RALGDS: variants seen among roughly 807,000 people sequenced by gnomAD.
RALGDS encodes ral guanine nucleotide dissociation stimulator, also known as ral guanine nucleotide exchange factor.
Under a neutral mutation model 99.8 loss-of-function variants are expected in RALGDS, and 44 were observed. The observed-to-expected ratio is 0.44, with a 90% CI of 0.35 to 0.57. The LOEUF (loss-of-function observed/expected upper bound fraction) is 0.57. Ranked by LOEUF, RALGDS falls within the 20% of genes least tolerant of loss-of-function variation. The probability of loss-of-function intolerance (pLI) is 0.01; values close to 1 mark genes in which losing one functional copy is unlikely to be tolerated. For missense variants in RALGDS, 1,022 were observed against 1,203.1 expected (o/e 0.85, Z 2.23); for synonymous variants, 529 against 505.0 (o/e 1.05, Z -0.64).
rs1193377204 is a variant in RALGDS at position 133,129,170 on chromosome 9, AG to A, written c.132+1781del. 2.5e-6 allele frequency: 4 copies of A among 1,590,076 alleles called. 1 individual carries two copies. In the African/African-American group the frequency reaches 5.4e-5, roughly 21 times the overall value. On this transcript the variant is annotated intron_variant, in intron 1 of 17. Transcript: ENST00000372062. ...GGTGGCCGGTGCTGGCAGAGGTGCC[AG>A]CCAAGGTGTCGGGCTTTGGAGAGCG... is the stretch of plus-strand genomic sequence containing the variant.
chr9:133,128,268 C>T (rs766433271), intron 1 of RALGDS, among the ~76,000 whole-genome samples: 5 of 152,044 alleles, frequency 3.3e-5, no homozygotes, highest in East Asian at 1.9e-4. Context: ...AGGACCACAG[C>T]GGGAGAGGGA....
intron 2 of RALGDS, among the ~76,000 whole-genome samples, chr9:133,111,511 C>T (rs745566725): frequency 1.3e-5 from 2 of 152,186 alleles, no homozygotes; most frequent in Non-Finnish European, 2.9e-5. Context: ...AAACTCCTGA[C>T]CTTAGGCAAT....
At chr9:133,128,489 G>C (rs1017318234) in intron 1 of RALGDS, among the ~76,000 whole-genome samples, 24 of 152,130 alleles carry the variant, frequency 1.6e-4, no homozygotes, top group African/African-American at 2.4e-5. Context: ...AGGGGCCCCG[G>C]CATCCATGAT....
rs1830890055 is a variant in RALGDS, at chr9:133,103,966, C to T, written c.1672-133G>A. 5 of 894,908 alleles carry T rather than the reference C, an allele frequency of 5.6e-6. No individual in the cohort carries two copies. In the East Asian group the frequency reaches 7.8e-5, roughly 14 times the overall value. The allele number at this position is 894,908 out of a possible 1,614,324, so 55.4% of individuals were successfully genotyped here. ...TCCTGGGGCCCACTGTCTCCCTGGA[C>T]CCCAGACTCCCTCTAGCCATCTCCC... On this transcript the variant is annotated intron_variant, in intron 10 of 17. Coordinates refer to ENST00000372050, the MANE Select transcript of RALGDS (RefSeq NM_006266.4).
intron 1 of RALGDS, among the ~76,000 whole-genome samples, chr9:133,129,824 TTTTTTC>T (rs1832279924): frequency 7.6e-6 from 1 of 132,268 alleles, no homozygotes. Flanking sequence ...TTTTTTTTTT[TTTTTTC>T]CCTGAGATGG....
At chr9:133,111,286 C>T (rs1160387275) in intron 2 of RALGDS, among the ~76,000 whole-genome samples, 1 of 152,068 alleles carries the variant, frequency 6.6e-6, no homozygotes, top group Non-Finnish European at 1.5e-5. Context: ...AGCATCTTCC[C>T]CGTGGCACTG....
At chr9:133,148,825 C>A in intron 1 of RALGDS, 2 of 1,023,402 alleles carry the variant, frequency 2.0e-6, no homozygotes, top group East Asian at 3.1e-5. Context: ...CTGTCCCGGG[C>A]GGGGTTGGAC....
At chr9:133,140,770 T>A (rs1832506687) in intron 1 of RALGDS, among the ~76,000 whole-genome samples, 1 of 152,188 alleles carries the variant, frequency 6.6e-6, no homozygotes, top group East Asian at 1.9e-4. Flanking sequence ...TCCTGCAGCC[T>A]GTTCCTTGGT....
intron 1 of RALGDS, among the ~76,000 whole-genome samples, chr9:133,119,704 G>A (rs1286717134): frequency 6.6e-6 from 1 of 151,134 alleles, no homozygotes; most frequent in African/African-American, 2.4e-5. Context: ...TCCCTCTCCA[G>A]CCGCCAATGA....
In RALGDS at chr9:133,100,252, T is replaced by C. The variant is rs1475775002; in HGVS notation, c.2569+16A>G. The C allele has an allele frequency of 1.2e-6, 2 of 1,611,758 alleles. No individual in the cohort carries two copies. Among genetic ancestry groups the C allele is most frequent in the South Asian group, 2.2e-5 (2 of 91,020 alleles). On this transcript the variant is annotated intron_variant, in intron 17 of 17. Coordinates refer to ENST00000372050, the MANE Select transcript of RALGDS (RefSeq NM_006266.4). ...ACCTGCCCCCTCTGCCATCGCCCTC[T>C]GGTCTTCTGACTTACTCCGGTCATC...
At position 133,141,847 on chromosome 9, in the gene RALGDS, C is replaced by T. The variant is rs144046443; in HGVS notation, c.18+7116G>A. 4.2e-3 allele frequency among the ~76,000 whole-genome samples: 641 copies of T among 152,342 alleles called. 4 individuals are homozygous for T. Among genetic ancestry groups the T allele is most frequent in the South Asian group, 0.029 (138 of 4,826 alleles). On this transcript the variant is annotated intron_variant, in intron 1 of 17. Transcript: ENST00000393160. ...GACACACTAAGGTCACATAGTCAGT[C>T]GGTATCAAAGTTGGCCCAGAACCAC...
In RALGDS at chr9:133,097,923, G is replaced by A. The variant is rs896654555; in HGVS notation, c.*664C>T. The A allele has an allele frequency of 5.3e-5, 12 of 225,800 alleles. No individual in the cohort carries two copies. The highest frequency in any genetic ancestry group is 2.3e-4 in the Admixed American group (4 of 17,524). 14.0% of individuals were successfully genotyped at this position (225,800 alleles called of 1,614,324 possible). ...TGCATGGTCTCGTAAAGCCCAGGACGCAGTGGTGAATGGCACTTGCAGTGG... is the reference window on the plus strand; with the variant it reads ...TGCATGGTCTCGTAAAGCCCAGGACACAGTGGTGAATGGCACTTGCAGTGG... On this transcript the variant is annotated 3_prime_UTR_variant, in exon 18 of 18. Coordinates refer to ENST00000372050, the MANE Select transcript of RALGDS (RefSeq NM_006266.4).
intron 1 of RALGDS, among the ~76,000 whole-genome samples, chr9:133,140,193 T>A (rs987536868): frequency 6.6e-6 from 1 of 151,964 alleles, no homozygotes; most frequent in Non-Finnish European, 1.5e-5. Context: ...CCCCAGGACT[T>A]AAATACCTTC....
intron 1 of RALGDS, among the ~76,000 whole-genome samples, chr9:133,147,822 G>C (rs1338896379): frequency 6.6e-6 from 1 of 152,164 alleles, no homozygotes; most frequent in Non-Finnish European, 1.5e-5. Context: ...GAACCTGCAG[G>C]CTCCAGGGGT....
intron 1 of RALGDS, among the ~76,000 whole-genome samples, chr9:133,143,786 C>CTAACAACAACAACAACAACAAT (rs1832572059): frequency 8.0e-6 from 1 of 125,546 alleles, no homozygotes; most frequent in African/African-American, 3.4e-5. Flanking sequence ...ACAACAACAA[C>CTAACAACAACAACAACAACAAT]AATAATAATA....
chr9:133,147,976 A>C (rs1832652976), intron 1 of RALGDS, among the ~76,000 whole-genome samples: 1 of 152,174 alleles, frequency 6.6e-6, no homozygotes, highest in South Asian at 2.1e-4. Flanking sequence ...TGAGGCTCCA[A>C]CAAGGACAGT....
At chr9:133,108,574 GC>G (rs35118608) in intron 5 of RALGDS, 98 bp downstream of exon 5, 2 of 1,492,562 alleles carry the variant, frequency 1.3e-6, no homozygotes, top group Non-Finnish European at 9.2e-7. Context: ...GCTCATCTGG[GC>G]CCCTGACCCA....
chr9:133,134,930 C>G (rs999053276), upstream of RALGDS, among the ~76,000 whole-genome samples: 3 of 152,196 alleles, frequency 2.0e-5, no homozygotes, highest in African/African-American at 4.8e-5. Flanking sequence ...CCAATCCTGT[C>G]TGACTCTCAG....
At chr9:133,132,422 G>A (rs542788607), upstream of RALGDS, among the ~76,000 whole-genome samples, 180 of 152,196 alleles carry the variant, frequency 1.2e-3, no homozygotes, top group African/African-American at 4.1e-3. Context: ...GGTGTGGTTC[G>A]GCTGCCACTC....
Sources: gnomAD v4.1 joint callset for allele counts (sites outside exome capture counted in the v4.1 genomes callset) on GRCh38, gnomAD v4.1.1 for gene constraint, MANE v1.5 for transcripts, NCBI Gene and HGNC (gene_info 2026-07-23, HGNC 2026-07-21) for gene names.